The following REPS2 variants were observed in gnomAD, a reference collection of about 807,000 sequenced individuals.
The protein encoded by REPS2 is ralBP1-associated Eps domain-containing protein 2.
Under a neutral mutation model 53.6 loss-of-function variants are expected in REPS2, and 23 were observed. The observed-to-expected ratio is 0.43, with a 90% confidence interval of 0.31 to 0.61. The LOEUF (loss-of-function observed/expected upper bound fraction) is 0.61, where lower values mean the gene tolerates loss of function less well. REPS2 is among the 20% of genes least tolerant of loss of function. The pLI is 0.11. For synonymous variants in REPS2, 238 were observed against 218.6 expected (o/e 1.09, Z -0.78); for missense variants, 446 against 534.9 (o/e 0.83, Z 1.64).
chrX:17,062,624 T>C lies in REPS2; in HGVS notation c.1209+92T>C, dbSNP rs757146234. The C allele has an allele frequency of 4.4e-5, 26 of 592,446 alleles. No individual in the cohort carries two copies. In the South Asian group the frequency reaches 9.3e-4, roughly 21 times the overall value. 48.8% of individuals were successfully genotyped at this position (592,446 alleles called of 1,213,427 possible). ...TTACAAATTCTGGAAAATGAACTTTTTTTTTGTTTGAAAATGAGCTTTTAT... is the reference window on the plus strand; with the variant it reads ...TTACAAATTCTGGAAAATGAACTTTCTTTTTGTTTGAAAATGAGCTTTTAT... On this transcript the variant is annotated intron_variant, in intron 9 of 17. Transcript: ENST00000357277.
chrX:17,102,193 C>T (rs2062817672), intron 13 of REPS2, among the ~76,000 whole-genome samples: 1 of 110,568 alleles, frequency 9.0e-6, no homozygotes, highest in Admixed American at 9.7e-5. Context: ...GTGATCCTTC[C>T]GTCTCAGCCT....
At chrX:17,132,090 C>T (rs1177301943) in intron 14 of REPS2, among the ~76,000 whole-genome samples, 1 of 111,802 alleles carries the variant, frequency 8.9e-6, no homozygotes, top group African/African-American at 3.3e-5. Flanking sequence ...TCATTTGGTA[C>T]CCTGAAGAGG....
chrX:17,096,639 G>A (rs2062704406), intron 13 of REPS2, among the ~76,000 whole-genome samples: 1 of 76,554 alleles, frequency 1.3e-5, no homozygotes, highest in African/African-American at 5.0e-5. Flanking sequence ...CAGCCTGGGC[G>A]ACAGAGCGAG....
At chrX:17,095,675 G>C (rs946233433) in intron 13 of REPS2, among the ~76,000 whole-genome samples, 1 of 111,094 alleles carries the variant, frequency 9.0e-6, no homozygotes, top group Non-Finnish European at 1.9e-5. Context: ...TGTAAGAGTA[G>C]GGCCCCTGAA....
At chrX:17,056,563 C>T (rs113332798) in intron 8 of REPS2, among the ~76,000 whole-genome samples, 4 of 110,458 alleles carry the variant, frequency 3.6e-5, no homozygotes, top group Non-Finnish European at 5.7e-5. Context: ...GGTGTGGTGG[C>T]GGGTGCCTGT....
the REPS2 span, among the ~76,000 whole-genome samples, chrX:17,162,963 TA>T: frequency 9.0e-6 from 1 of 111,723 alleles, no homozygotes; most frequent in South Asian, 3.7e-4. Flanking sequence ...TTATAGGATA[TA>T]AAAAGAAACA....
chrX:17,087,418 G>A (rs1259727050), intron 13 of REPS2, among the ~76,000 whole-genome samples: 3 of 111,821 alleles, frequency 2.7e-5, no homozygotes, highest in Admixed American at 1.9e-4. Flanking sequence ...GATTCAAGTT[G>A]GCTGGCTGGC....
intron 1 of REPS2, among the ~76,000 whole-genome samples, chrX:16,976,519 A>G (rs904404418): frequency 1.8e-4 from 20 of 111,328 alleles, no homozygotes; most frequent in African/African-American, 5.2e-4. Context: ...ATAAATACCT[A>G]TAAATTGGAA....
intron 2 of REPS2, among the ~76,000 whole-genome samples, chrX:17,019,105 C>A (rs776364940): frequency 1.8e-5 from 2 of 111,856 alleles, no homozygotes; most frequent in South Asian, 7.4e-4. Flanking sequence ...CCACTCCCAG[C>A]CTAAAGTATT....
intron 1 of REPS2, among the ~76,000 whole-genome samples, chrX:16,975,169 A>G (rs1040602379): frequency 4.5e-5 from 5 of 112,198 alleles, no homozygotes; most frequent in Admixed American, 9.4e-5. Context: ...TAGTGCTGCA[A>G]TGAACATACG....
At chrX:17,146,715 TG>T (rs1439579975) in intron 17 of REPS2, among the ~76,000 whole-genome samples, 1 of 111,891 alleles carries the variant, frequency 8.9e-6, no homozygotes, top group Non-Finnish European at 1.9e-5. Flanking sequence ...ATTAGTATGC[TG>T]ATTCTTCTGA....
chrX:17,088,650 G>A (rs1442977131), intron 13 of REPS2, among the ~76,000 whole-genome samples: 3 of 103,476 alleles, frequency 2.9e-5, no homozygotes, highest in Non-Finnish European at 3.9e-5. Context: ...GTGCAGTGGC[G>A]TGGTCTCGGC....
At chrX:17,158,737 A>G in the REPS2 span, among the ~76,000 whole-genome samples, 8 of 112,227 alleles carry the variant, frequency 7.1e-5, no homozygotes, top group African/African-American at 2.6e-4. Context: ...ACTATGTCTA[A>G]TTTAAAACAC....
At chrX:17,024,728 G>C (rs1485158029) in intron 3 of REPS2, among the ~76,000 whole-genome samples, 1 of 111,252 alleles carries the variant, frequency 9.0e-6, no homozygotes, top group East Asian at 2.8e-4. Flanking sequence ...TATCCACAGA[G>C]AGATCACAAT....
At chrX:17,188,928 G>A in the REPS2 span, among the ~76,000 whole-genome samples, 3 of 112,159 alleles carry the variant, frequency 2.7e-5, no homozygotes, top group Non-Finnish European at 5.6e-5. Context: ...ACCAACCTGT[G>A]AAGCAGGTAC....
intron 1 of REPS2, among the ~76,000 whole-genome samples, chrX:17,001,878 A>G (rs758792049): frequency 9.0e-6 from 1 of 111,324 alleles, no homozygotes; most frequent in South Asian, 3.8e-4. Flanking sequence ...ACCAGATCTC[A>G]TGAGACTTGT....
the REPS2 span, among the ~76,000 whole-genome samples, chrX:17,167,484 A>C: frequency 9.1e-6 from 1 of 110,055 alleles, no homozygotes; most frequent in East Asian, 2.9e-4. Flanking sequence ...TTGTCCACTC[A>C]GTTCCCTCCC....
chrX:16,982,511 C>T (rs188208534), intron 1 of REPS2, among the ~76,000 whole-genome samples: 3 of 111,726 alleles, frequency 2.7e-5, no homozygotes, highest in East Asian at 2.8e-4. Flanking sequence ...TGGTAGACAT[C>T]GTTTGAATCT....
chrX:17,101,304 T>C (rs776527603), intron 13 of REPS2, among the ~76,000 whole-genome samples: 43 of 110,502 alleles, frequency 3.9e-4, no homozygotes, highest in East Asian at 2.3e-3. Context: ...CCTCATGATC[T>C]GCCCGCCTTG....
Sources: gnomAD v4.1 joint callset for allele counts (sites outside exome capture counted in the v4.1 genomes callset) on GRCh38, gnomAD v4.1.1 for gene constraint, MANE v1.5 for transcripts, NCBI Gene and HGNC (gene_info 2026-07-23, HGNC 2026-07-21) for gene names.